Variants in MGAT5 observed in about 807,000 individuals in gnomAD.
MGAT5 encodes alpha-1,6-mannosylglycoprotein 6-beta-N-acetylglucosaminyltransferase A.
Under a neutral mutation model 94.3 loss-of-function variants are expected in MGAT5, and 30 were observed. The observed-to-expected ratio is 0.32, with a 90% CI of 0.24 to 0.43. The LOEUF is 0.43. Among genes scored for constraint, MGAT5 ranks in the 20% least tolerant of loss-of-function variants. The pLI, the probability that MGAT5 is intolerant of heterozygous loss-of-function variation, is 1.00. For missense variants in MGAT5, 691 were observed against 905.5 expected (o/e 0.76, Z 3.04); for synonymous variants, 310 against 322.9 (o/e 0.96, Z 0.43).
At chr2:134,416,135 C>G (rs956892000) in intron 12 of MGAT5, among the ~76,000 whole-genome samples, 1 of 152,172 alleles carries the variant, frequency 6.6e-6, no homozygotes, top group African/African-American at 2.4e-5. Context: ...ATAAAACTTA[C>G]CATTTATCGT....
In MGAT5 at chr2:134,254,549, A is replaced by G. The variant is rs1682811846; in HGVS notation, c.146A>G (p.Gln49Arg). The change falls in exon 1 of 16, where the codon CAG becomes CGG. Residue 49 changes from glutamine (Q) to arginine (R), a missense_variant. Gln to Arg is a conservative substitution (Grantham distance 43, BLOSUM62 1). This residue lies in a region of MGAT5 where 307 missense variants were observed against 335.4 expected (regional missense o/e 0.92). Transcript: ENST00000281923. Reference protein sequence around the residue: ...QPESSSMLREQILDLSKRYIK... With the variant: ...QPESSSMLRERILDLSKRYIK... ...GAAAGCAGCTCCATGCTGCGCGAGCAGATCCTGGACCTCAGCAAAAGGTAC... is the reference window on the plus strand; with the variant it reads ...GAAAGCAGCTCCATGCTGCGCGAGCGGATCCTGGACCTCAGCAAAAGGTAC... 4 of 1,614,234 alleles carry G rather than the reference A, an allele frequency of 2.5e-6. No individual in the cohort carries two copies. Among genetic ancestry groups the G allele is most frequent in the Admixed American group, 1.7e-5 (1 of 60,034 alleles).
intron 8 of MGAT5, among the ~76,000 whole-genome samples, chr2:134,347,486 A>G (rs534482064): frequency 6.8e-4 from 103 of 152,326 alleles, no homozygotes; most frequent in African/African-American, 2.5e-3. Context: ...TAAAACTTCA[A>G]AGTTAAAAAT....
In MGAT5 at chr2:134,395,495, C is replaced by T. The variant is rs1362331120; in HGVS notation, c.1381-7493C>T. On this transcript the variant is annotated intron_variant, in intron 10 of 15. Transcript: ENST00000281923. ...GCTAGCCAGCTCAGGACTCTCATGTCTAGCTTGTCCCGTTTTATGGCTTTG... is the reference window on the plus strand; with the variant it reads ...GCTAGCCAGCTCAGGACTCTCATGTTTAGCTTGTCCCGTTTTATGGCTTTG... Among the ~76,000 whole-genome samples the T allele has an allele frequency of 3.3e-5, 5 of 152,228 alleles. No homozygotes were observed. In the East Asian group the frequency reaches 9.6e-4, roughly 29 times the overall value.
chr2:134,337,568 GA>G (rs2105986037), intron 5 of MGAT5, among the ~76,000 whole-genome samples: 1 of 152,272 alleles, frequency 6.6e-6, no homozygotes, highest in East Asian at 1.9e-4. Flanking sequence ...GATGTTCTAT[GA>G]AATAAATACT....
intron 1 of MGAT5, among the ~76,000 whole-genome samples, chr2:134,240,572 T>C (rs1681924507): frequency 1.3e-5 from 2 of 152,128 alleles, no homozygotes; most frequent in South Asian, 4.1e-4. Flanking sequence ...AAAAAAAATT[T>C]ATGTTCTTAA....
At chr2:134,387,320 A>T (rs1480087149) in intron 10 of MGAT5, among the ~76,000 whole-genome samples, 1 of 50,068 alleles carries the variant, frequency 2.0e-5, no homozygotes, top group African/African-American at 8.7e-5. Flanking sequence ...ATATATATAT[A>T]TATATATATA....
At chr2:134,239,667 C>T (rs1681862697) in intron 1 of MGAT5, among the ~76,000 whole-genome samples, 1 of 151,716 alleles carries the variant, frequency 6.6e-6, no homozygotes, top group Admixed American at 6.6e-5. Context: ...CATCTAATAC[C>T]TTGATTTCCC....
At chr2:134,275,843 C>A (rs965458259) in intron 2 of MGAT5, among the ~76,000 whole-genome samples, 3 of 152,036 alleles carry the variant, frequency 2.0e-5, no homozygotes, top group Non-Finnish European at 4.4e-5. Context: ...CCACCTCAGC[C>A]TCCCAAAGTG....
At chr2:134,126,029 T>A (rs2104881920) in intron 1 of MGAT5, among the ~76,000 whole-genome samples, 1 of 152,358 alleles carries the variant, frequency 6.6e-6, no homozygotes, top group South Asian at 2.1e-4. Context: ...TTTCTGATAA[T>A]CGGTGCCTGT....
Position 134,237,941 on chromosome 2 carries a change from G to A in MGAT5, c.-142-16321G>A, listed in dbSNP as rs182297635. ...AATTTTTGTATTTTTAGTAGAGATG[G>A]TGTTTCACCATGTTGGCCAGGCTGA... is the stretch of plus-strand genomic sequence containing the variant. On this transcript the variant is annotated intron_variant, in intron 1 of 16. Coordinates refer to the MGAT5 transcript ENST00000409645. Among the ~76,000 whole-genome samples, 4 of 152,134 alleles carry A rather than the reference G, an allele frequency of 2.6e-5. No homozygotes were observed. In the East Asian group the frequency reaches 5.8e-4, roughly 22 times the overall value.
chr2:134,315,725 G>A (rs1686961073), intron 2 of MGAT5, among the ~76,000 whole-genome samples: 1 of 152,220 alleles, frequency 6.6e-6, no homozygotes, highest in Non-Finnish European at 1.5e-5. Context: ...TGAAATAGAG[G>A]CGGAGTCATT....
At chr2:134,421,088 G>A (rs1227750953) in intron 12 of MGAT5, among the ~76,000 whole-genome samples, 2 of 152,218 alleles carry the variant, frequency 1.3e-5, no homozygotes, top group Non-Finnish European at 2.9e-5. Flanking sequence ...TGCCAGTAAT[G>A]TGATAGCTCC....
At chr2:134,173,285 GT>G (rs1688309031) in intron 1 of MGAT5, among the ~76,000 whole-genome samples, 1 of 152,206 alleles carries the variant, frequency 6.6e-6, no homozygotes, top group Admixed American at 6.5e-5. Flanking sequence ...TCCAGGGTCT[GT>G]TTCCCCTGAA....
At chr2:134,409,401 G>GC (rs1683520814) in intron 11 of MGAT5, among the ~76,000 whole-genome samples, 1 of 152,210 alleles carries the variant, frequency 6.6e-6, no homozygotes, top group African/African-American at 2.4e-5. Context: ...GAAGCACCTA[G>GC]CAGTGTGTCA....
intron 1 of MGAT5, among the ~76,000 whole-genome samples, chr2:134,140,096 C>T (rs1291743394): frequency 5.9e-5 from 9 of 152,310 alleles, no homozygotes; most frequent in East Asian, 5.8e-4. Context: ...TGGGGGCTCA[C>T]GGCCTGCACC....
At chr2:134,184,072 TAAAG>T in intron 1 of MGAT5, among the ~76,000 whole-genome samples, 1 of 152,240 alleles carries the variant, frequency 6.6e-6, no homozygotes, top group Non-Finnish European at 1.5e-5. Flanking sequence ...CTAATTAAAA[TAAAG>T]AATCTTAGCT....
At chr2:134,130,697 A>G (rs186121179) in intron 1 of MGAT5, among the ~76,000 whole-genome samples, 2 of 142,376 alleles carry the variant, frequency 1.4e-5, no homozygotes, top group Admixed American at 6.8e-5. Context: ...GCACCAATCA[A>G]TGCCCTGTGT....
chr2:134,387,857 A>AT (rs960996836), intron 10 of MGAT5, among the ~76,000 whole-genome samples: 41 of 152,298 alleles, frequency 2.7e-4, no homozygotes, highest in African/African-American at 9.6e-4. Flanking sequence ...AGTGATGGGA[A>AT]TTTGCCTCTC....
chr2:134,342,927 T>G (rs995211248), intron 7 of MGAT5, among the ~76,000 whole-genome samples: 25 of 152,054 alleles, frequency 1.6e-4, no homozygotes, highest in Non-Finnish European at 1.2e-4. Flanking sequence ...ATTCTATTGG[T>G]GCTAATTGAG....
Sources: gnomAD v4.1 joint callset for allele counts (sites outside exome capture counted in the v4.1 genomes callset) on GRCh38, gnomAD v4.1.1 for gene constraint, gnomAD v4.1.1 regional missense constraint, MANE v1.5 for transcripts, NCBI Gene and HGNC (gene_info 2026-07-23, HGNC 2026-07-21) for gene names.